The following RSF1 variants were observed in gnomAD, a reference collection of about 807,000 sequenced individuals.
RSF1 encodes HBV pX-associated protein 8.
A neutral mutation model predicts 145.2 loss-of-function variants in RSF1; 13 were observed. The ratio of observed to expected loss-of-function variants is 0.09; its 90% CI spans 0.06 to 0.14. The LOEUF is 0.14. RSF1 is among the 10% of genes least tolerant of loss of function. RSF1 has a pLI of 1.00. For missense variants in RSF1, 1,517 were observed against 1,718.2 expected (o/e 0.88, Z 2.07); for synonymous variants, 577 against 592.6 (o/e 0.97, Z 0.38).
At chr11:77,759,005 T>C (rs776438544) in intron 2 of RSF1, among the ~76,000 whole-genome samples, 2 of 152,198 alleles carry the variant, frequency 1.3e-5, no homozygotes, top group African/African-American at 2.4e-5. Flanking sequence ...TGGTTTTCTA[T>C]CTAAGAATCC....
At chr11:77,759,302 G>A (rs1216919799) in intron 2 of RSF1, among the ~76,000 whole-genome samples, 1 of 151,980 alleles carries the variant, frequency 6.6e-6, no homozygotes, top group Non-Finnish European at 1.5e-5. Flanking sequence ...CTTGAGCCCA[G>A]GAGTTTGAGA....
the RSF1 span, among the ~76,000 whole-genome samples, chr11:77,861,477 C>T: frequency 2.6e-5 from 4 of 152,250 alleles, no homozygotes; most frequent in Non-Finnish European, 4.4e-5. Context: ...CAAGTATACC[C>T]GGGGCTCTGT....
At chr11:77,721,313 T>C (rs1027332749) in intron 5 of RSF1, among the ~76,000 whole-genome samples, 3 of 152,182 alleles carry the variant, frequency 2.0e-5, no homozygotes, top group South Asian at 4.1e-4. Flanking sequence ...CCAAGGGTAA[T>C]GTTTGTTTAC....
the RSF1 span, among the ~76,000 whole-genome samples, chr11:77,831,347 T>C: frequency 6.6e-6 from 1 of 152,182 alleles, no homozygotes; most frequent in South Asian, 2.1e-4. Flanking sequence ...TTCCTAGCTA[T>C]ACCCAAGAAA....
At chr11:77,713,404 A>G (rs185735052) in intron 5 of RSF1, among the ~76,000 whole-genome samples, 1 of 152,020 alleles carries the variant, frequency 6.6e-6, no homozygotes, top group Admixed American at 6.6e-5. Context: ...ACTGATGTCA[A>G]AAAGAGTGAA....
intron 2 of RSF1, among the ~76,000 whole-genome samples, chr11:77,749,473 TC>T (rs1948037681): frequency 1.3e-5 from 2 of 152,134 alleles, no homozygotes; most frequent in Non-Finnish European, 2.9e-5. Flanking sequence ...ATGGGGAAGC[TC>T]ATCCTTAGTA....
At chr11:77,727,670 A>C (rs1179101866) in intron 4 of RSF1, among the ~76,000 whole-genome samples, 2 of 151,616 alleles carry the variant, frequency 1.3e-5, no homozygotes, top group African/African-American at 4.8e-5. Flanking sequence ...AGTAGAGATG[A>C]GGTTTCACCA....
chr11:77,818,356 C>G (rs1049776574), intron 1 of RSF1, among the ~76,000 whole-genome samples: 2 of 152,130 alleles, frequency 1.3e-5, no homozygotes, highest in African/African-American at 4.8e-5. Flanking sequence ...AAGAAATTAC[C>G]AAAACAATTT....
chr11:77,738,613 C>CT (rs931898816), intron 4 of RSF1: 3 of 152,178 alleles, frequency 2.0e-5, no homozygotes, highest in African/African-American at 7.2e-5. Context: ...TCAAACATAA[C>CT]TGTTAACTCT....
intron 5 of RSF1, among the ~76,000 whole-genome samples, chr11:77,722,555 T>TTA (rs768739611): frequency 6.6e-6 from 1 of 152,166 alleles, no homozygotes; most frequent in African/African-American, 2.4e-5. Flanking sequence ...CTAGACCACT[T>TTA]TAAGAGCATA....
chr11:77,779,277 A>G (rs1948378829), intron 1 of RSF1, among the ~76,000 whole-genome samples: 1 of 152,104 alleles, frequency 6.6e-6, no homozygotes, highest in South Asian at 2.1e-4. Context: ...GTGTGATCAT[A>G]GCTCACTGCA....
intron 1 of RSF1, among the ~76,000 whole-genome samples, chr11:77,815,624 C>A (rs1318625323): frequency 6.6e-6 from 1 of 152,030 alleles, no homozygotes; most frequent in Non-Finnish European, 1.5e-5. Flanking sequence ...TATTGCTCCA[C>A]TTGATAAAAT....
chr11:77,801,132 G>A (rs1055274757), intron 1 of RSF1, among the ~76,000 whole-genome samples: 1 of 152,078 alleles, frequency 6.6e-6, no homozygotes, highest in Non-Finnish European at 1.5e-5. Flanking sequence ...GTATATATAA[G>A]AATACATGGT....
chr11:77,714,720 T>C (rs1319464794), intron 5 of RSF1, among the ~76,000 whole-genome samples: 1 of 152,052 alleles, frequency 6.6e-6, no homozygotes, highest in Non-Finnish European at 1.5e-5. Context: ...CGCATGCCTG[T>C]AGTTCCAGCT....
At chr11:77,671,162 TATATATATATA>T (rs1959532798) in intron 15 of RSF1, among the ~76,000 whole-genome samples, 1 of 87,984 alleles carries the variant, frequency 1.1e-5, no homozygotes, top group East Asian at 3.1e-4. Flanking sequence ...TATATATATA[TATATATATATA>T]TATATTTATA....
chr11:77,725,943 A>G (rs1181902769), intron 4 of RSF1, among the ~76,000 whole-genome samples: 1 of 152,168 alleles, frequency 6.6e-6, no homozygotes, highest in Non-Finnish European at 1.5e-5. Context: ...GACAATGAAT[A>G]TCTCTTGGGT....
chr11:77,829,811 A>G, the RSF1 span: 1 of 152,206 alleles, frequency 6.6e-6, no homozygotes, highest in African/African-American at 2.4e-5. Flanking sequence ...AAAAGTCAAG[A>G]CCATCAGTTC....
At chr11:77,736,736 T>C (rs978406685) in intron 4 of RSF1, among the ~76,000 whole-genome samples, 1 of 152,186 alleles carries the variant, frequency 6.6e-6, no homozygotes. Context: ...TAAATTACCA[T>C]CCGTCCCCAG....
intron 6 of RSF1, 125 bp downstream of exon 6, chr11:77,700,596 T>C (rs1427646948): frequency 4.7e-6 from 3 of 643,582 alleles, no homozygotes; most frequent in African/African-American, 3.7e-5. Flanking sequence ...TCTGAAAAGG[T>C]ATCTCAGACA....
Sources: allele counts gnomAD v4.1 joint callset (sites outside exome capture counted in the v4.1 genomes callset), GRCh38; gene constraint gnomAD v4.1.1; transcripts MANE v1.5; gene names NCBI Gene and HGNC (gene_info 2026-07-23, HGNC 2026-07-21).